Variants in AGPAT4 observed in about 807,000 individuals in gnomAD.
The protein encoded by AGPAT4 is 1-acyl-sn-glycerol-3-phosphate acyltransferase delta.
In AGPAT4, 15 loss-of-function variants were observed where a neutral mutation model predicts 48.0. That is an observed-to-expected ratio of 0.31 (90% confidence interval 0.21 to 0.48). The LOEUF is 0.48. Ranked by LOEUF, AGPAT4 falls within the 20% of genes least tolerant of loss-of-function variation. The pLI is 0.99. For synonymous variants in AGPAT4, 178 were observed against 198.7 expected (o/e 0.90, Z 0.88); for missense variants, 314 against 482.5 (o/e 0.65, Z 3.27).
chr6:161,154,729 G>C lies in AGPAT4; in HGVS notation c.349-419C>G, dbSNP rs905373022. Among the ~76,000 whole-genome samples the C allele has an allele frequency of 2.0e-5, 3 of 152,246 alleles. No individual in the cohort carries two copies. Among genetic ancestry groups the C allele is most frequent in the Non-Finnish European group, 2.9e-5 (2 of 68,036 alleles). ...ACCTCTTTTCTGCAGATCTCACTGA[G>C]TTTTGTGATATTACAAAATATAGTA... On this transcript the variant is annotated intron_variant, in intron 3 of 8. Transcript: ENST00000320285. The surrounding 1 kb of genome is among the most constrained non-coding windows in gnomAD (Gnocchi z 7.8).
rs2114989466 is a variant in AGPAT4, at chr6:161,177,453, A to G, written c.179-11036T>C. On this transcript the variant is annotated intron_variant, in intron 2 of 8. Coordinates refer to ENST00000320285, the MANE Select transcript of AGPAT4 (RefSeq NM_020133.3). The surrounding 1 kb of genome is among the most constrained non-coding windows in gnomAD (Gnocchi z 5.0). ...TCGAATCGGCCACTGAAACTTGTGC[A>G]TGTGTCACGTAGTTCTCAAGCCATG... is the stretch of plus-strand genomic sequence containing the variant. Among the ~76,000 whole-genome samples the G allele has an allele frequency of 6.6e-6, 1 of 152,262 alleles. No individual in the cohort carries two copies. Among genetic ancestry groups the G allele is most frequent in the Admixed American group, 6.5e-5 (1 of 15,290 alleles).
At position 161,159,375 on chromosome 6, in the gene AGPAT4, C is replaced by T. The variant is rs1275830413; in HGVS notation, c.349-5065G>A. ...CAATGCTGGTTATGATTACCTGTGG[C>T]CTTGAGGTGCCCAGAGTCTAGTGGG... On this transcript the variant is annotated intron_variant, in intron 3 of 8. Transcript: ENST00000320285. The surrounding 1 kb of genome is among the most constrained non-coding windows in gnomAD (Gnocchi z 4.1). Among the ~76,000 whole-genome samples the T allele has an allele frequency of 2.0e-5, 3 of 152,120 alleles. No individual in the cohort carries two copies. Among genetic ancestry groups the T allele is most frequent in the African/African-American group, 7.2e-5 (3 of 41,434 alleles).
intron 2 of AGPAT4, among the ~76,000 whole-genome samples, chr6:161,190,586 G>GAAA (rs200848078): frequency 1.1e-5 from 1 of 93,746 alleles, no homozygotes. Context: ...AGAAACCAAG[G>GAAA]GAAAAAAAAA....
In AGPAT4 at chr6:161,249,799, C is replaced by T. The variant is rs1304514792; in HGVS notation, c.-89-17497G>A. Among the ~76,000 whole-genome samples, 1 of 152,142 alleles carries T rather than the reference C, an allele frequency of 6.6e-6. No individual in the cohort carries two copies. Among genetic ancestry groups the T allele is most frequent in the African/African-American group, 2.4e-5 (1 of 41,422 alleles). Reference sequence around the variant, plus strand: ...AGAAATATCATTCGACCCAGCAATCCCATTACTGGTTATACACCCAAAGGA... The same window carrying T: ...AGAAATATCATTCGACCCAGCAATCTCATTACTGGTTATACACCCAAAGGA... On this transcript the variant is annotated intron_variant, in intron 1 of 8. Transcript: ENST00000320285. This position sits in a 1 kb window ranked among gnomAD's most constrained non-coding sequence, Gnocchi z 6.2.
At position 161,147,234 on chromosome 6, in the gene AGPAT4, C is replaced by T. The variant is rs190203038; in HGVS notation, c.768-635G>A. On this transcript the variant is annotated intron_variant, in intron 6 of 8. Transcript: ENST00000320285. The surrounding 1 kb of genome is among the most constrained non-coding windows in gnomAD (Gnocchi z 4.8). ...GGGGTCTTGAGTCACTGTGCACCAG[C>T]GAGAGCTCAGAGACTTGGGTGGCTC... 1.2e-4 allele frequency among the ~76,000 whole-genome samples: 19 copies of T among 152,186 alleles called. No homozygotes were observed. In the East Asian group the frequency reaches 2.1e-3, roughly 17 times the overall value.
intron 2 of AGPAT4, among the ~76,000 whole-genome samples, chr6:161,182,043 A>G (rs1780612827): frequency 6.6e-6 from 1 of 152,090 alleles, no homozygotes; most frequent in Non-Finnish European, 1.5e-5. Context: ...AAATGATGAA[A>G]ACATTTGAGT....
rs1234808884 is a variant in AGPAT4, at chr6:161,262,914, A to C, written c.-90+11024T>G. Among the ~76,000 whole-genome samples, 8 of 152,228 alleles carry C rather than the reference A, an allele frequency of 5.3e-5. No homozygotes were observed. The highest frequency in any genetic ancestry group is 1.2e-4 in the Non-Finnish European group (8 of 68,014). On this transcript the variant is annotated intron_variant, in intron 1 of 8. Transcript: ENST00000320285. The surrounding 1 kb of genome is among the most constrained non-coding windows in gnomAD (Gnocchi z 4.9). Reference sequence around the variant, plus strand: ...AGGTGGCCAGTCCTTGTCTGCAGGGAATGACCGAGGAAGAGAGGCCAGGAG... The same window carrying C: ...AGGTGGCCAGTCCTTGTCTGCAGGGCATGACCGAGGAAGAGAGGCCAGGAG...
rs1264346057 is a variant in AGPAT4 at position 161,169,575 on chromosome 6, A to G, written c.179-3158T>C. ...AGCCTCAACCTCCTGGGTTCAAGCA[A>G]TCCTTCCACCTTGGCCTCCCAAAGT... On this transcript the variant is annotated intron_variant, in intron 2 of 8. Transcript: ENST00000320285. The surrounding 1 kb of genome is among the most constrained non-coding windows in gnomAD (Gnocchi z 5.0). Among the ~76,000 whole-genome samples the G allele has an allele frequency of 1.3e-5, 2 of 152,124 alleles. No homozygotes were observed. The highest frequency in any genetic ancestry group is 6.5e-5 in the Admixed American group (1 of 15,272).
In AGPAT4 at chr6:161,134,062, G is replaced by GA. The variant is rs1778986698; in HGVS notation, c.*2477dup. On this transcript the variant is annotated 3_prime_UTR_variant, in exon 9 of 9. Coordinates refer to ENST00000320285, the MANE Select transcript of AGPAT4 (RefSeq NM_020133.3). ...TGTCATTAAGGGCGCAGGGTGTAAG[G>GA]AAACCAGGTTCCCAGGCTGCATAAC... The GA allele has an allele frequency of 6.6e-6, 1 of 152,238 alleles. No individual in the cohort carries two copies. Among genetic ancestry groups the GA allele is most frequent in the South Asian group, 2.1e-4 (1 of 4,828 alleles). 9.4% of individuals were successfully genotyped at this position (152,238 alleles called of 1,614,324 possible).
rs1778919738 is a variant in AGPAT4, at chr6:161,132,128, A to G, written c.*4412T>C. On this transcript the variant is annotated 3_prime_UTR_variant, in exon 9 of 9. Transcript: ENST00000320285. ...GGAGTGCAGAGGGATTGGCATTTGT[A>G]AAGACTGCTTGCTTACCCTTTGTCT... The G allele has an allele frequency of 6.6e-6, 1 of 152,196 alleles. No homozygotes were observed. Among genetic ancestry groups the G allele is most frequent in the Non-Finnish European group, 1.5e-5 (1 of 68,038 alleles). 9.4% of individuals were successfully genotyped at this position (152,196 alleles called of 1,614,324 possible).
At position 161,164,068 on chromosome 6, in the gene AGPAT4, TGCTGTTGACTTGCTTTCCCGCCATCAGC is replaced by T. The variant is rs1244280346; in HGVS notation, c.348+2152_348+2179del. 6.6e-6 allele frequency among the ~76,000 whole-genome samples: 1 copy of T among 152,202 alleles called. No individual in the cohort carries two copies. The highest frequency in any genetic ancestry group is 2.4e-5 in the African/African-American group (1 of 41,466). On this transcript the variant is annotated intron_variant, in intron 3 of 8. Coordinates refer to ENST00000320285, the MANE Select transcript of AGPAT4 (RefSeq NM_020133.3). This position sits in a 1 kb window ranked among gnomAD's most constrained non-coding sequence, Gnocchi z 7.4. ...CCCTATGCTGCAGGTGGGATGGGCG[TGCTGTTGACTTGCTTTCCCGCCATCAGC>T]GCTCCCGCCCTTATGCTCAGAGTTG... is the stretch of plus-strand genomic sequence containing the variant.
rs936826788 is a variant in AGPAT4, at chr6:161,235,426, C to T, written c.-89-3124G>A. 2.8e-4 allele frequency among the ~76,000 whole-genome samples: 42 copies of T among 152,224 alleles called. No homozygotes were observed. The highest frequency in any genetic ancestry group is 2.1e-3 in the Admixed American group (32 of 15,292). On this transcript the variant is annotated intron_variant, in intron 1 of 8. Transcript: ENST00000320285. The surrounding 1 kb of genome is among the most constrained non-coding windows in gnomAD (Gnocchi z 6.2). ...AATGAGGGCTGATGATTAAAAGAAA[C>T]GTGGCTGAATTATGTAGGGGTGTGT... is the stretch of plus-strand genomic sequence containing the variant.
Position 161,214,133 on chromosome 6 carries a change from C to T in AGPAT4, c.178+17903G>A, listed in dbSNP as rs1781585441. On this transcript the variant is annotated intron_variant, in intron 2 of 8. Coordinates refer to ENST00000320285, the MANE Select transcript of AGPAT4 (RefSeq NM_020133.3). The surrounding 1 kb of genome is among the most constrained non-coding windows in gnomAD (Gnocchi z 5.4). ...AAGAATGCTACCATTTGTCTCTCAC[C>T]TACCTGTGACCTGGAAGCCCCTCTC... 6.6e-6 allele frequency among the ~76,000 whole-genome samples: 1 copy of T among 152,172 alleles called. No individual in the cohort carries two copies. Among genetic ancestry groups the T allele is most frequent in the Admixed American group, 6.5e-5 (1 of 15,286 alleles).
Position 161,256,541 on chromosome 6 carries a change from G to A in AGPAT4, c.-90+17397C>T, listed in dbSNP as rs1193988823. Among the ~76,000 whole-genome samples the A allele has an allele frequency of 4.6e-5, 7 of 152,208 alleles. No individual in the cohort carries two copies. The East Asian group carries it at 1.3e-3, about 29-fold the overall frequency. On this transcript the variant is annotated intron_variant, in intron 1 of 8. Coordinates refer to ENST00000320285, the MANE Select transcript of AGPAT4 (RefSeq NM_020133.3). ...ATGAAATGTGGGGAGAAGTTCCAGG[G>A]CTGAAATACGTGACAGACATGACAC...
intron 4 of AGPAT4, 117 bp from the exon 5 acceptor site, chr6:161,153,616 C>T (rs1779658253): frequency 7.9e-7 from 1 of 1,269,636 alleles, no homozygotes; most frequent in South Asian, 1.4e-5. Context: ...CACGATCACA[C>T]AGGGCCCCAT....
rs949337354 is a variant in AGPAT4 at position 161,245,824 on chromosome 6, T to G, written c.-89-13522A>C. Among the ~76,000 whole-genome samples the G allele has an allele frequency of 1.3e-5, 2 of 152,178 alleles. No individual in the cohort carries two copies. Among genetic ancestry groups the G allele is most frequent in the East Asian group, 3.9e-4 (2 of 5,186 alleles). ...GATTTTAAATCTCTCATTTCTTTGA[T>G]TTTCATAAAGGATGCCAAATGAACC... On this transcript the variant is annotated intron_variant, in intron 1 of 8. Coordinates refer to ENST00000320285, the MANE Select transcript of AGPAT4 (RefSeq NM_020133.3). The surrounding 1 kb of genome is among the most constrained non-coding windows in gnomAD (Gnocchi z 5.2).
Position 161,221,326 on chromosome 6 carries a change from G to T in AGPAT4, c.178+10710C>A, listed in dbSNP as rs988878060. 6.6e-6 allele frequency among the ~76,000 whole-genome samples: 1 copy of T among 152,070 alleles called. No homozygotes were observed. ...CCACGTCCAATGTCACCAGCCAGCC[G>T]CACTTTACTCCTTTGAGTTCCTGGA... On this transcript the variant is annotated intron_variant, in intron 2 of 8. Coordinates refer to ENST00000320285, the MANE Select transcript of AGPAT4 (RefSeq NM_020133.3). This position sits in a 1 kb window ranked among gnomAD's most constrained non-coding sequence, Gnocchi z 4.5.
Position 161,144,234 on chromosome 6 carries a change from A to G in AGPAT4, c.843+2290T>C, listed in dbSNP as rs753800155. 3.8e-6 allele frequency: 2 copies of G among 528,160 alleles called. No homozygotes were observed. Among genetic ancestry groups the G allele is most frequent in the East Asian group, 5.5e-5 (1 of 18,220 alleles). 32.7% of individuals were successfully genotyped at this position (528,160 alleles called of 1,614,324 possible). A position where few individuals can be genotyped will look rare whatever the true frequency, so the allele number is the denominator to read the frequency against. On this transcript the variant is annotated intron_variant, in intron 7 of 8. Coordinates refer to ENST00000320285, the MANE Select transcript of AGPAT4 (RefSeq NM_020133.3). The surrounding 1 kb of genome is among the most constrained non-coding windows in gnomAD (Gnocchi z 6.6). The stretch of plus-strand genomic sequence containing the variant: ...GCCTCCCAGGCCTGCTCACAGACAC[A>G]TACTGCTTAGAGAACTCGGTGTCGC...
intron 1 of AGPAT4, among the ~76,000 whole-genome samples, chr6:161,239,624 G>A (rs1197575221): frequency 6.6e-6 from 1 of 152,188 alleles, no homozygotes; most frequent in Admixed American, 6.5e-5. Flanking sequence ...CTTTAGCATT[G>A]TCATTAAAAT....
Sources: allele counts gnomAD v4.1 joint callset (sites outside exome capture counted in the v4.1 genomes callset), GRCh38; gene constraint gnomAD v4.1.1; non-coding constraint Gnocchi (gnomAD v3.1); transcripts MANE v1.5; gene names NCBI Gene and HGNC (gene_info 2026-07-23, HGNC 2026-07-21).